ACAP1: variants seen among roughly 807,000 people sequenced by gnomAD.
ACAP1 encodes the protein ArfGAP with coiled-coil, ankyrin repeat and PH domains 1, also known as arf-GAP with coiled-coil, ANK repeat and PH domain-containing protein 1.
A neutral mutation model predicts 98.8 loss-of-function variants in ACAP1; 45 were observed. The ratio of observed to expected loss-of-function variants is 0.46; its 90% confidence interval spans 0.36 to 0.58. The LOEUF (loss-of-function observed/expected upper bound fraction) is 0.58, where lower values mean the gene tolerates loss of function less well. Ranked by LOEUF, ACAP1 falls within the 20% of genes least tolerant of loss-of-function variation. The pLI is 0.00. For missense variants in ACAP1, 735 were observed against 971.4 expected (o/e 0.76, Z 3.24); for synonymous variants, 362 against 375.3 (o/e 0.96, Z 0.41).
chr17:7,346,605 CT>C, intron 12 of ACAP1, 114 bp downstream of exon 12: 1 of 1,215,388 alleles, frequency 8.2e-7, no homozygotes, highest in East Asian at 2.4e-5. Flanking sequence ...TAATTTAATT[CT>C]TTGGCGGCTG....
chr17:7,345,951 A>G, intron 10 of ACAP1: 1 of 357,486 alleles, frequency 2.8e-6, no homozygotes, highest in Non-Finnish European at 5.3e-6. Context: ...CCCAGCCTAA[A>G]TAGTATTTTT....
At chr17:7,337,833 G>A (rs1022613351) in intron 2 of ACAP1, among the ~76,000 whole-genome samples, 2 of 152,042 alleles carry the variant, frequency 1.3e-5, no homozygotes, top group East Asian at 1.9e-4. Flanking sequence ...CAGGCTAGGC[G>A]ACAGAGCGAG....
Position 7,343,816 on chromosome 17 carries a change from G to A in ACAP1, c.574-45G>A. On this transcript the variant is annotated intron_variant, in intron 7 of 21. Coordinates refer to ENST00000158762, the MANE Select transcript of ACAP1 (RefSeq NM_014716.4). The surrounding 1 kb of genome is among the most constrained non-coding windows in gnomAD (Gnocchi z 4.9). The stretch of plus-strand genomic sequence containing the variant: ...TGCTGCCAGCACAAGGGAATGGGGA[G>A]AGGGGTTCTTCCTCAGCCTTCCCAC... 5 of 1,613,840 alleles carry A rather than the reference G, an allele frequency of 3.1e-6. No individual in the cohort carries two copies. Among genetic ancestry groups the A allele is most frequent in the Non-Finnish European group, 4.2e-6 (5 of 1,179,850 alleles).
chr17:7,349,062 T>TC lies in ACAP1; in HGVS notation c.1748dup (p.Ser584IlefsTer7), dbSNP rs753991909. The TC allele has an allele frequency of 6.2e-7, 1 of 1,613,986 alleles. No homozygotes were observed. The highest frequency in any genetic ancestry group is 8.5e-7 in the Non-Finnish European group (1 of 1,179,976). On this transcript the variant is annotated frameshift_variant, in exon 18 of 22. Transcript: ENST00000158762. LOFTEE classifies it high-confidence loss of function. ...TACTGTTTCGAGCGTCTGGGCATCC[T>TC]CCATCTCTTCCCACCATGGCTGATG...
At position 7,344,741 on chromosome 17, in the gene ACAP1, G is replaced by C; in HGVS notation, c.854+93G>C. 1.2e-6 allele frequency: 1 copy of C among 849,422 alleles called. No homozygotes were observed. Among genetic ancestry groups the C allele is most frequent in the Non-Finnish European group, 1.9e-6 (1 of 527,730 alleles). 52.6% of individuals were successfully genotyped at this position (849,422 alleles called of 1,614,324 possible). A position where few individuals can be genotyped will look rare whatever the true frequency, so the allele number is the denominator to read the frequency against. On this transcript the variant is annotated intron_variant, in intron 10 of 21. Transcript: ENST00000158762. This position sits in a 1 kb window ranked among gnomAD's most constrained non-coding sequence, Gnocchi z 4.9. ...CTAAGCACTGCAAGGAAAAACAGAC[G>C]AACCCCCCTGCCTCAGTAGAGTTTC...
In ACAP1 at chr17:7,349,196, A is replaced by C. The variant is rs1404269952; in HGVS notation, c.1851+29A>C. On this transcript the variant is annotated intron_variant, in intron 18 of 21. Coordinates refer to ENST00000158762, the MANE Select transcript of ACAP1 (RefSeq NM_014716.4). ...AGAGCCCTGCTGACCTCTCCACCCC[A>C]CCCTAGGGCTCTGACACCTACTCCT... 3 of 1,608,552 alleles carry C rather than the reference A, an allele frequency of 1.9e-6. No individual in the cohort carries two copies. The African/African-American group carries it at 4.0e-5, about 22-fold the overall frequency.
rs1175780491 is a variant in ACAP1 at position 7,349,989 on chromosome 17, C to T, written c.1896C>T (p.Asn632=). 6 of 1,613,292 alleles carry T rather than the reference C, an allele frequency of 3.7e-6. No individual in the cohort carries two copies. The African/African-American group carries it at 8.0e-5, about 22-fold the overall frequency. ...AGTTTCTCCTCCAGAACGGGGCGAA[C>T]GTGAACCAAGCGGACAGTGCGGGCC... The part of the protein sequence containing the change: ...ACEFLLQNGA[N]VNQADSAGRG... Residue 632 remains asparagine (N), a synonymous_variant, in exon 19 of 22, where the codon AAC becomes AAT. Transcript: ENST00000158762.
chr17:7,347,174 G>A lies in ACAP1; in HGVS notation c.1275G>A (p.Glu425=), dbSNP rs770414959. The A allele has an allele frequency of 1.2e-6, 2 of 1,614,124 alleles. No individual in the cohort carries two copies. The highest frequency in any genetic ancestry group is 3.3e-5 in the Admixed American group (2 of 60,014). The change falls in exon 14 of 22, where the codon GAG becomes GAA. Residue 425 remains glutamate, a synonymous_variant. Transcript: ENST00000158762. ...DGNAQCCDCR[E]PAPEWASINL... ...ATGCCCAGTGCTGCGACTGCCGGGAGCCAGCCCCGGAGTGGGCCAGCATCA... is the reference window on the plus strand; with the variant it reads ...ATGCCCAGTGCTGCGACTGCCGGGAACCAGCCCCGGAGTGGGCCAGCATCA...
intron 17 of ACAP1, chr17:7,348,680 G>T: frequency 1.6e-6 from 1 of 625,044 alleles, no homozygotes; most frequent in South Asian, 2.6e-5. Flanking sequence ...GAGGGTAAGG[G>T]GTGCCAACAG....
In ACAP1 at chr17:7,351,016, C is replaced by A; in HGVS notation, c.2122+17C>A. 1 of 1,611,596 alleles carries A rather than the reference C, an allele frequency of 6.2e-7. No individual in the cohort carries two copies. Among genetic ancestry groups the A allele is most frequent in the Non-Finnish European group, 8.5e-7 (1 of 1,177,784 alleles). On this transcript the variant is annotated intron_variant, in intron 21 of 21. Transcript: ENST00000158762. Reference sequence around the variant, plus strand: ...GGCAGGCAGGTAAAGAATACACCCACCCCACCCCCCAGGCCCAACACCTGA... The same window carrying A: ...GGCAGGCAGGTAAAGAATACACCCAACCCACCCCCCAGGCCCAACACCTGA...
In ACAP1 at chr17:7,336,683, C is replaced by T; in HGVS notation, c.-52C>T. 1 of 1,605,802 alleles carries T rather than the reference C, an allele frequency of 6.2e-7. No homozygotes were observed. The highest frequency in any genetic ancestry group is 2.2e-5 in the East Asian group (1 of 44,804). ...GGACAGAAAGTGCCTCCACCTGCAT[C>T]CCCAGGGGCCCGGCCTCCAGGGCCC... On this transcript the variant is annotated 5_prime_UTR_variant, in exon 1 of 22. Transcript: ENST00000158762.
rs1279532791 is a variant in ACAP1, at chr17:7,342,084, C to T, written c.231+17C>T. Reference sequence around the variant, plus strand: ...ATGATGGCGGTATGCGGAGGGTCTGCATCTGGGAGGGAAGGGGTCTGGGAT... The same window carrying T: ...ATGATGGCGGTATGCGGAGGGTCTGTATCTGGGAGGGAAGGGGTCTGGGAT... On this transcript the variant is annotated intron_variant, in intron 3 of 21. Transcript: ENST00000158762. 2 of 1,612,910 alleles carry T rather than the reference C, an allele frequency of 1.2e-6. No homozygotes were observed. The highest frequency in any genetic ancestry group is 1.1e-5 in the South Asian group (1 of 91,036).
intron 5 of ACAP1, chr17:7,342,686 G>C: frequency 4.9e-6 from 3 of 607,516 alleles, no homozygotes; most frequent in Non-Finnish European, 8.7e-6. Flanking sequence ...GATCACCTGA[G>C]GTCGGGAGTT....
chr17:7,341,479 C>T (rs1432467492), intron 2 of ACAP1, among the ~76,000 whole-genome samples: 3 of 152,158 alleles, frequency 2.0e-5, no homozygotes, highest in African/African-American at 2.4e-5. Flanking sequence ...TGAGCTCAAG[C>T]GACTGGCCCG....
At position 7,351,388 on chromosome 17, in the gene ACAP1, C is replaced by G. The variant is rs2073408601; in HGVS notation, c.2216C>G (p.Thr739Arg). The change falls in exon 22 of 22, where the codon ACG becomes AGG. Residue 739 changes from threonine (T) to arginine (R), a missense_variant. Coordinates refer to ENST00000158762, the MANE Select transcript of ACAP1 (RefSeq NM_014716.4). ...AGCCGTCGCAGTCATGACCTCCACACGCTGTGACCCGAGGCCCACGGGGCC... is the reference window on the plus strand; with the variant it reads ...AGCCGTCGCAGTCATGACCTCCACAGGCTGTGACCCGAGGCCCACGGGGCC... ...KLSRRSHDLH[T>R]L The G allele has an allele frequency of 6.2e-7, 1 of 1,611,064 alleles. No individual in the cohort carries two copies. The highest frequency in any genetic ancestry group is 1.3e-5 in the African/African-American group (1 of 74,860).
chr17:7,347,308 C>A (rs887174832), intron 14 of ACAP1, 66 bp downstream of exon 14: 1 of 1,390,686 alleles, frequency 7.2e-7, no homozygotes. Flanking sequence ...CAATACAGAG[C>A]GCATCACACC....
intron 3 of ACAP1, 39 bp from the exon 4 acceptor site, chr17:7,342,236 C>T (rs533493218): frequency 1.2e-6 from 2 of 1,612,268 alleles, no homozygotes; most frequent in African/African-American, 2.7e-5. Flanking sequence ...GTGCTGCCAC[C>T]CCATGCCTGG....
At chr17:7,339,045 CT>C (rs1228065933) in intron 2 of ACAP1, among the ~76,000 whole-genome samples, 1 of 151,574 alleles carries the variant, frequency 6.6e-6, no homozygotes, top group Admixed American at 6.6e-5. Context: ...AATCCCAGCA[CT>C]TTGGGAGGCC....
intron 18 of ACAP1, chr17:7,349,741 A>T (rs1370412395): frequency 4.0e-6 from 2 of 505,908 alleles, no homozygotes; most frequent in Non-Finnish European, 7.0e-6. Flanking sequence ...ATACCTCAAA[A>T]GCTTGTACTA....
Sources: gnomAD v4.1 joint callset for allele counts (sites outside exome capture counted in the v4.1 genomes callset) on GRCh38, gnomAD v4.1.1 for gene constraint, Gnocchi (gnomAD v3.1) non-coding constraint, MANE v1.5 for transcripts, NCBI Gene and HGNC (gene_info 2026-07-23, HGNC 2026-07-21) for gene names.